The following ERBB4 variants were observed in gnomAD, a reference collection of about 807,000 sequenced individuals.
ERBB4 encodes erb-b2 receptor tyrosine kinase 4.
A neutral mutation model predicts 158.0 loss-of-function variants in ERBB4; 42 were observed. The observed-to-expected ratio is 0.27, with a 90% confidence interval of 0.21 to 0.34. The LOEUF is 0.34. Ranked by LOEUF, ERBB4 falls within the 10% of genes least tolerant of loss-of-function variation. ERBB4 has a pLI of 1.00. For missense variants in ERBB4, 1,333 were observed against 1,624.1 expected, an observed-to-expected ratio of 0.82 and a Z score of 3.08; for synonymous variants, 583 against 558.7, an observed-to-expected ratio of 1.04 and a Z score of -0.61.
At chr2:212,137,302 A>AT (rs1350637190) in intron 1 of ERBB4, among the ~76,000 whole-genome samples, 1 of 151,884 alleles carries the variant, frequency 6.6e-6, no homozygotes, top group Non-Finnish European at 1.5e-5. Context: ...CACATTAGTT[A>AT]TTTTTTCTGA....
At chr2:212,224,754 T>C (rs2083417547) in intron 1 of ERBB4, among the ~76,000 whole-genome samples, 1 of 152,058 alleles carries the variant, frequency 6.6e-6, no homozygotes. Context: ...TACTACTCTC[T>C]TCTAATGTGA....
chr2:211,975,060 T>A (rs574463644), intron 2 of ERBB4, among the ~76,000 whole-genome samples: 51 of 152,228 alleles, frequency 3.4e-4, no homozygotes, highest in Non-Finnish European at 6.3e-4. Context: ...CGCAGCCCAC[T>A]GCAGCCTCAA....
At chr2:211,490,523 T>A (rs758807233) in intron 20 of ERBB4, among the ~76,000 whole-genome samples, 7 of 151,884 alleles carry the variant, frequency 4.6e-5, no homozygotes, top group Admixed American at 4.6e-4. Flanking sequence ...TAATTAAAAG[T>A]AGAAAGATAA....
chr2:212,128,956 T>C (rs2080025648), intron 1 of ERBB4, among the ~76,000 whole-genome samples: 1 of 152,112 alleles, frequency 6.6e-6, no homozygotes. Flanking sequence ...ATCTTTATTT[T>C]ATTGCTCCCA....
Position 211,401,435 on chromosome 2 carries a change from A to AAGAT in ERBB4, c.3136-13447_3136-13444dup, listed in dbSNP as rs577899197. On this transcript the variant is annotated intron_variant, in intron 25 of 27. Coordinates refer to ENST00000342788, the MANE Select transcript of ERBB4 (RefSeq NM_005235.3). Reference sequence around the variant, plus strand: ...GAAAGCATCCAGGCAGAGTCCTAATAAGATATATCTCAGAATTCATGATGA... The same window carrying AAGAT: ...GAAAGCATCCAGGCAGAGTCCTAATAAGATAGATATATCTCAGAATTCATGATGA... Among the ~76,000 whole-genome samples, 836 of 152,078 alleles carry AAGAT rather than the reference A, an allele frequency of 5.5e-3. 9 individuals carry two copies. Among genetic ancestry groups the AAGAT allele is most frequent in the South Asian group, 0.021 (102 of 4,828 alleles).
At chr2:212,436,096 A>G (rs965230) in intron 1 of ERBB4, among the ~76,000 whole-genome samples, 7,338 of 151,952 alleles carry the variant, frequency 0.048, 595 homozygotes, top group African/African-American at 0.17. Context: ...CAATCATTGT[A>G]TATAACATAG....
chr2:212,314,011 A>C (rs1463902063), intron 1 of ERBB4, among the ~76,000 whole-genome samples: 1 of 151,066 alleles, frequency 6.6e-6, no homozygotes, highest in Non-Finnish European at 1.5e-5. Context: ...CTAGCCAAAC[A>C]GTGAAAAATA....
intron 5 of ERBB4, among the ~76,000 whole-genome samples, chr2:211,731,862 C>A (rs547938072): frequency 1.7e-3 from 253 of 152,250 alleles, no homozygotes; most frequent in African/African-American, 5.8e-3. Flanking sequence ...CACTGTTATT[C>A]ATTCTTCCAA....
chr2:212,143,035 T>C (rs952879770), intron 1 of ERBB4, among the ~76,000 whole-genome samples: 2 of 152,124 alleles, frequency 1.3e-5, no homozygotes, highest in Non-Finnish European at 2.9e-5. Flanking sequence ...GTCATATGTA[T>C]ACAGAAGCTA....
In ERBB4 at chr2:211,436,295, C is replaced by T. The variant is rs117632824; in HGVS notation, c.2488-5195G>A. Reference sequence around the variant, plus strand: ...TAAGTTCACAGGAATTTGAATTGTGCAAACTACAGACTGTTCTTATTTTGG... The same window carrying T: ...TAAGTTCACAGGAATTTGAATTGTGTAAACTACAGACTGTTCTTATTTTGG... On this transcript the variant is annotated intron_variant, in intron 20 of 27. Transcript: ENST00000342788. Among the ~76,000 whole-genome samples, 41 of 152,288 alleles carry T rather than the reference C, an allele frequency of 2.7e-4. No individual in the cohort carries two copies. In the East Asian group the frequency reaches 7.7e-3, roughly 29 times the overall value.
At chr2:211,723,237 T>G (rs957302442) in intron 6 of ERBB4, among the ~76,000 whole-genome samples, 2 of 152,202 alleles carry the variant, frequency 1.3e-5, no homozygotes, top group African/African-American at 4.8e-5. Flanking sequence ...TTTATTAATA[T>G]TTTCAAATTC....
At chr2:211,991,410 C>T (rs527811367) in intron 2 of ERBB4, among the ~76,000 whole-genome samples, 11 of 151,832 alleles carry the variant, frequency 7.2e-5, no homozygotes, top group South Asian at 4.1e-4. Context: ...CAAAACAAAA[C>T]GAAGCAACAA....
At chr2:212,263,719 TAA>T (rs1024741027) in intron 1 of ERBB4, among the ~76,000 whole-genome samples, 6 of 151,988 alleles carry the variant, frequency 3.9e-5, no homozygotes, top group Admixed American at 1.3e-4. Flanking sequence ...GGTCCCATAA[TAA>T]AAGAGTTCCG....
At chr2:212,178,148 T>C (rs1368926280) in intron 1 of ERBB4, among the ~76,000 whole-genome samples, 1 of 151,796 alleles carries the variant, frequency 6.6e-6, no homozygotes, top group Admixed American at 6.6e-5. Context: ...GGTCTTATTG[T>C]CTATGTTAAA....
intron 19 of ERBB4, among the ~76,000 whole-genome samples, chr2:211,567,376 C>T (rs577333362): frequency 1.1e-3 from 162 of 152,120 alleles, no homozygotes; most frequent in Non-Finnish European, 1.9e-3. Flanking sequence ...GCTTTGCTTC[C>T]TGAGAAGGAA....
chr2:211,604,444 T>C (rs2125820352), intron 19 of ERBB4, among the ~76,000 whole-genome samples: 1 of 152,270 alleles, frequency 6.6e-6, no homozygotes, highest in South Asian at 2.1e-4. Flanking sequence ...TAAACCCAAA[T>C]GATAAATATC....
chr2:211,550,997 G>A (rs2067080002), intron 20 of ERBB4, among the ~76,000 whole-genome samples: 1 of 151,358 alleles, frequency 6.6e-6, no homozygotes, highest in South Asian at 2.1e-4. Flanking sequence ...CTGGAGTGCA[G>A]TGGTGCAATC....
intron 1 of ERBB4, among the ~76,000 whole-genome samples, chr2:212,167,528 A>G (rs2081384717): frequency 6.6e-6 from 1 of 152,106 alleles, no homozygotes; most frequent in Non-Finnish European, 1.5e-5. Flanking sequence ...GGAAGACAGT[A>G]TGGCTATTCC....
chr2:211,579,818 G>C (rs1195746927), intron 19 of ERBB4, among the ~76,000 whole-genome samples: 1 of 151,996 alleles, frequency 6.6e-6, no homozygotes, highest in Non-Finnish European at 1.5e-5. Context: ...TTGGGGGAGG[G>C]AGAACATTAG....
Sources: gnomAD v4.1 joint callset for allele counts (sites outside exome capture counted in the v4.1 genomes callset) on GRCh38, gnomAD v4.1.1 for gene constraint, MANE v1.5 for transcripts, NCBI Gene and HGNC (gene_info 2026-07-23, HGNC 2026-07-21) for gene names.